The following TTC7B variants were observed in gnomAD, a reference collection of about 807,000 sequenced individuals.
TTC7B encodes the protein tetratricopeptide repeat domain 7B, also known as tetratricopeptide repeat protein 7B.
A neutral mutation model predicts 106.8 loss-of-function variants in TTC7B; 28 were observed. The ratio of observed to expected loss-of-function variants is 0.26; its 90% CI spans 0.19 to 0.36. The LOEUF is 0.36. Among genes scored for constraint, TTC7B ranks in the 10% least tolerant of loss-of-function variants. The probability of loss-of-function intolerance (pLI) is 1.00; values close to 1 mark genes in which losing one functional copy is unlikely to be tolerated. For synonymous variants in TTC7B, 405 were observed against 430.6 expected, an observed-to-expected ratio of 0.94 and a Z score of 0.74; for missense variants, 862 against 1,076.4, an observed-to-expected ratio of 0.80 and a Z score of 2.79.
intron 17 of TTC7B, among the ~76,000 whole-genome samples, chr14:90,597,995 G>C (rs1892278378): frequency 6.6e-6 from 1 of 152,182 alleles, no homozygotes; most frequent in African/African-American, 2.4e-5. Context: ...AAATAATCAG[G>C]TTCAACAGGT....
At position 90,634,430 on chromosome 14, in the gene TTC7B, T is replaced by C. The variant is rs537597832; in HGVS notation, c.1751+9618A>G. On this transcript the variant is annotated intron_variant, in intron 15 of 19. Coordinates refer to ENST00000328459, the MANE Select transcript of TTC7B (RefSeq NM_001010854.2). ...AACACTTGAGACAGAAGGCAGAGGT[T>C]ATCAGACTAAGTAAAAAAAAAAAGA... Among the ~76,000 whole-genome samples the C allele has an allele frequency of 5.3e-5, 8 of 151,736 alleles. No homozygotes were observed. In the South Asian group the frequency reaches 1.2e-3, roughly 24 times the overall value.
intron 4 of TTC7B, among the ~76,000 whole-genome samples, chr14:90,740,596 G>A (rs1340814676): frequency 1.4e-5 from 2 of 141,398 alleles, no homozygotes; most frequent in South Asian, 2.2e-4. Flanking sequence ...CCACCTCCCA[G>A]GTTCATGCGA....
intron 18 of TTC7B, among the ~76,000 whole-genome samples, chr14:90,585,183 G>C (rs1891662881): frequency 1.3e-5 from 2 of 152,208 alleles, no homozygotes; most frequent in South Asian, 4.1e-4. Flanking sequence ...GTCTTTGCCA[G>C]GGTCGGGCTG....
At chr14:90,676,813 T>A (rs1230570716) in intron 8 of TTC7B, among the ~76,000 whole-genome samples, 153 bp from the exon 9 acceptor site, 6 of 152,064 alleles carry the variant, frequency 3.9e-5, no homozygotes, top group Non-Finnish European at 8.8e-5. Context: ...GGTTATTTAT[T>A]CAAAATCCCC....
chr14:90,629,773 T>C (rs1404835839), intron 15 of TTC7B, among the ~76,000 whole-genome samples: 1 of 152,208 alleles, frequency 6.6e-6, no homozygotes, highest in Non-Finnish European at 1.5e-5. Context: ...CTCACCATGG[T>C]GCCCCTCCTG....
chr14:90,643,750 A>G (rs1369047217), intron 15 of TTC7B, among the ~76,000 whole-genome samples: 3 of 151,940 alleles, frequency 2.0e-5, no homozygotes, highest in Non-Finnish European at 2.9e-5. Context: ...ACCCAGCTAC[A>G]TTTTATATTT....
intron 19 of TTC7B, among the ~76,000 whole-genome samples, chr14:90,544,330 G>A (rs1439852736): frequency 6.6e-6 from 1 of 152,232 alleles, no homozygotes; most frequent in African/African-American, 2.4e-5. Flanking sequence ...CATATGACCA[G>A]GTCCTTGGTG....
At chr14:90,630,566 G>A (rs67690838) in intron 15 of TTC7B, among the ~76,000 whole-genome samples, 22,011 of 152,176 alleles carry the variant, frequency 0.14, 1,652 homozygotes, top group Middle Eastern at 0.2. Context: ...ACACTGTTGT[G>A]CAACCATCAC....
At chr14:90,675,456 A>G (rs1261296302) in intron 9 of TTC7B, among the ~76,000 whole-genome samples, 2 of 152,138 alleles carry the variant, frequency 1.3e-5, no homozygotes, top group Admixed American at 1.3e-4. Context: ...ACCTAGGCCA[A>G]TCCTAAGCCT....
At chr14:90,800,512 G>A (rs1290580606) in intron 1 of TTC7B, among the ~76,000 whole-genome samples, 1 of 152,020 alleles carries the variant, frequency 6.6e-6, no homozygotes, top group Non-Finnish European at 1.5e-5. Context: ...GAAGAGGGAA[G>A]TTAGAAGGTC....
intron 12 of TTC7B, among the ~76,000 whole-genome samples, chr14:90,653,507 A>G (rs1885819693): frequency 6.6e-6 from 1 of 152,206 alleles, no homozygotes; most frequent in African/African-American, 2.4e-5. Context: ...GCATGAGGCC[A>G]CCTCGCTGTG....
At chr14:90,658,501 C>T in intron 9 of TTC7B, 114 bp from the exon 10 acceptor site, 1 of 973,360 alleles carries the variant, frequency 1.0e-6, no homozygotes, top group African/African-American at 1.6e-5. Flanking sequence ...ATCTGCTTCC[C>T]TTGAATGCTT....
chr14:90,776,343 C>T (rs1480329949), intron 3 of TTC7B, among the ~76,000 whole-genome samples: 1 of 152,092 alleles, frequency 6.6e-6, no homozygotes, highest in East Asian at 1.9e-4. Context: ...AGGAGTTGGG[C>T]GAGGGGCTCA....
At chr14:90,683,634 C>T (rs969411125) in intron 7 of TTC7B, among the ~76,000 whole-genome samples, 15 of 152,130 alleles carry the variant, frequency 9.9e-5, no homozygotes, top group Non-Finnish European at 5.9e-5. Flanking sequence ...AAAAATCTCC[C>T]CATGACAAAG....
chr14:90,629,235 C>G (rs961839085), intron 15 of TTC7B, among the ~76,000 whole-genome samples: 2 of 114,310 alleles, frequency 1.7e-5, no homozygotes, highest in African/African-American at 6.6e-5. Flanking sequence ...TCCCTGTTCT[C>G]AGGTTCCTTT....
chr14:90,651,363 T>C (rs1015919401), intron 13 of TTC7B, among the ~76,000 whole-genome samples: 14 of 152,216 alleles, frequency 9.2e-5, no homozygotes, highest in Admixed American at 3.9e-4. Context: ...ACTAATATTT[T>C]AAAAATCTCT....
chr14:90,554,036 G>A (rs1342046840), intron 19 of TTC7B, among the ~76,000 whole-genome samples: 2 of 152,200 alleles, frequency 1.3e-5, no homozygotes. Context: ...GAAGCCAAAG[G>A]GCTTGATCAG....
At chr14:90,798,236 G>T (rs1175284574) in intron 1 of TTC7B, among the ~76,000 whole-genome samples, 2 of 152,174 alleles carry the variant, frequency 1.3e-5, no homozygotes, top group Non-Finnish European at 2.9e-5. Context: ...CCAGCCAAGA[G>T]CAGCAAAGTC....
At chr14:90,574,183 T>C (rs1283852570) in intron 19 of TTC7B, among the ~76,000 whole-genome samples, 1 of 152,258 alleles carries the variant, frequency 6.6e-6, no homozygotes, top group African/African-American at 2.4e-5. Flanking sequence ...TTGCTCTATG[T>C]TTCTTTAATT....
Sources: gnomAD v4.1 joint callset for allele counts (sites outside exome capture counted in the v4.1 genomes callset) on GRCh38, gnomAD v4.1.1 for gene constraint, MANE v1.5 for transcripts, NCBI Gene and HGNC (gene_info 2026-07-23, HGNC 2026-07-21) for gene names.